CACNA1H: variants seen among roughly 807,000 people sequenced by gnomAD.
The protein encoded by CACNA1H is voltage-dependent T-type calcium channel subunit alpha-1H.
In CACNA1H, 149 loss-of-function variants were observed where a neutral mutation model predicts 192.5. That is an observed-to-expected ratio of 0.77 (90% CI 0.68 to 0.89). The LOEUF is 0.89. Among genes scored for constraint, CACNA1H ranks in the 40% least tolerant of loss-of-function variants. The pLI is 0.00. For synonymous variants in CACNA1H, 2,202 were observed against 1,475.2 expected, an observed-to-expected ratio of 1.49 and a Z score of -11.29; for missense variants, 4,257 against 3,423.5, an observed-to-expected ratio of 1.24 and a Z score of -6.08.
chr16:1,196,793 G>C (rs118125888), intron 5 of CACNA1H, among the ~76,000 whole-genome samples: 71 of 152,238 alleles, frequency 4.7e-4, no homozygotes, highest in African/African-American at 1.6e-3. Flanking sequence ...TGTCAAATCC[G>C]GGCCACCCAC....
intron 11 of CACNA1H, 133 bp downstream of exon 11, chr16:1,205,398 G>T: frequency 9.8e-7 from 1 of 1,018,894 alleles, no homozygotes; most frequent in South Asian, 1.6e-5. Flanking sequence ...GCCGTGGGAA[G>T]CAGGTGCTTG....
At chr16:1,187,973 G>C (rs370096219) in intron 2 of CACNA1H, among the ~76,000 whole-genome samples, 1 of 152,232 alleles carries the variant, frequency 6.6e-6, no homozygotes, top group Non-Finnish European at 1.5e-5. Flanking sequence ...AGGCCGAGCC[G>C]TGTCAGTCAG....
At chr16:1,169,101 G>C (rs1043028449) in intron 2 of CACNA1H, among the ~76,000 whole-genome samples, 6 of 143,004 alleles carry the variant, frequency 4.2e-5, no homozygotes, top group African/African-American at 1.5e-4. Flanking sequence ...GACTGTTCCA[G>C]ATACCAGAAC....
In CACNA1H at chr16:1,209,374, C is replaced by T. The variant is rs915582991; in HGVS notation, c.3706C>T (p.Arg1236Cys). ...CTTCTTCCTGCGCATCGACAGCCAC[C>T]GTGAGGATGCAGCCGAGCTTGACGA... ...SDFFLRIDSH[R>C]EDAAELDDDS... Residue 1236 changes from arginine (R) to cysteine (C), a missense_variant, in exon 17 of 35, where the codon CGT becomes TGT. Arg to Cys is a radical substitution (Grantham distance 180). Transcript: ENST00000348261. The T allele has an allele frequency of 5.6e-6, 9 of 1,597,850 alleles. No individual in the cohort carries two copies. Among genetic ancestry groups the T allele is most frequent in the African/African-American group, 4.0e-5 (3 of 74,924 alleles).
chr16:1,209,434 C>G (rs375585249), intron 17 of CACNA1H, 22 bp downstream of exon 17: 1 of 1,591,076 alleles, frequency 6.3e-7, no homozygotes, highest in Non-Finnish European at 8.5e-7. Flanking sequence ...GCCCTGGGCC[C>G]ACCGCCGACT....
intron 2 of CACNA1H, among the ~76,000 whole-genome samples, chr16:1,192,612 G>A (rs748999661): frequency 4.6e-5 from 7 of 152,236 alleles, no homozygotes; most frequent in South Asian, 2.1e-4. Context: ...GAACTGCCAG[G>A]GTCAGGCAAG....
At chr16:1,194,114 G>A (rs1410731498) in intron 2 of CACNA1H, among the ~76,000 whole-genome samples, 2 of 152,042 alleles carry the variant, frequency 1.3e-5, no homozygotes, top group Non-Finnish European at 2.9e-5. Flanking sequence ...GTGGGTGCTG[G>A]GAAGGGCGGC....
At chr16:1,168,339 G>A (rs1453574588) in intron 2 of CACNA1H, among the ~76,000 whole-genome samples, 1 of 151,914 alleles carries the variant, frequency 6.6e-6, no homozygotes, top group Non-Finnish European at 1.5e-5. Flanking sequence ...AAGGTCTGAA[G>A]CTGGTAGAGT....
rs898001806 is a variant in CACNA1H, at chr16:1,200,147, C to T, written c.804-109C>T. 4.0e-5 allele frequency: 36 copies of T among 904,048 alleles called. No individual in the cohort carries two copies. The South Asian group carries it at 5.3e-4, about 13-fold the overall frequency. 56.0% of individuals were successfully genotyped at this position (904,048 alleles called of 1,614,324 possible). On this transcript the variant is annotated intron_variant, in intron 6 of 34. Coordinates refer to ENST00000348261, the MANE Select transcript of CACNA1H (RefSeq NM_021098.3). The stretch of plus-strand genomic sequence containing the variant: ...CATGATTAGTCCACTGGCCCTGACC[C>T]TGATCACGTCCCTGACCTTGATCAC...
rs373190026 is a variant in CACNA1H at position 1,208,121 on chromosome 16, C to T, written c.3263C>T (p.Pro1088Leu). 3.6e-5 allele frequency: 57 copies of T among 1,593,970 alleles called. No individual in the cohort carries two copies. The highest frequency in any genetic ancestry group is 1.2e-4 in the African/African-American group (9 of 74,332). ...MCTAATPMPT[P>L]KSSPFLDAAP... Reference sequence around the variant, plus strand: ...ACAGCTGCCACGCCCATGCCTACCCCCAAGAGCTCACCATTCCTGGATGCA... The same window carrying T: ...ACAGCTGCCACGCCCATGCCTACCCTCAAGAGCTCACCATTCCTGGATGCA... The change falls in exon 16 of 35, where the codon CCC (proline) becomes CTC (leucine). Residue 1088 changes from proline (P) to leucine (L), a missense_variant. Coordinates refer to ENST00000348261, the MANE Select transcript of CACNA1H (RefSeq NM_021098.3).
intron 33 of CACNA1H, 107 bp from the exon 34 acceptor site, chr16:1,218,863 C>A: frequency 1.9e-6 from 2 of 1,071,652 alleles, no homozygotes; most frequent in Non-Finnish European, 2.5e-6. Context: ...CGGGCTGGGG[C>A]TGGCCAGGAA....
chr16:1,219,954 C>G (rs766190257), intron 34 of CACNA1H, 27 bp from the exon 35 acceptor site: 40 of 1,277,546 alleles, frequency 3.1e-5, no homozygotes, highest in Non-Finnish European at 3.6e-5. Flanking sequence ...GGGCCCCGCC[C>G]CTCACTTTGA....
At chr16:1,159,274 G>A (rs535636553) in intron 2 of CACNA1H, among the ~76,000 whole-genome samples, 3 of 152,210 alleles carry the variant, frequency 2.0e-5, no homozygotes, top group Middle Eastern at 3.2e-3. Context: ...GGGTGGGCCC[G>A]ACAGGGGCAG....
In CACNA1H at chr16:1,183,966, G is replaced by A. The variant is rs188949788; in HGVS notation, c.300-11006G>A. Among the ~76,000 whole-genome samples, 55 of 152,358 alleles carry A rather than the reference G, an allele frequency of 3.6e-4. No individual in the cohort carries two copies. In the East Asian group the frequency reaches 9.6e-3, roughly 27 times the overall value. ...CGTGTCCATGCCGCCTGGGGAAGGT[G>A]CGTCTGCCTCGGCAGCTGTGGCTGC... On this transcript the variant is annotated intron_variant, in intron 2 of 34. Coordinates refer to ENST00000348261, the MANE Select transcript of CACNA1H (RefSeq NM_021098.3).
intron 27 of CACNA1H, among the ~76,000 whole-genome samples, chr16:1,214,585 T>G (rs1005487793): frequency 6.6e-6 from 1 of 152,100 alleles, no homozygotes; most frequent in Non-Finnish European, 1.5e-5. Flanking sequence ...TGTGAGCCCA[T>G]GTCCCCATGT....
At chr16:1,191,401 G>T (rs1201837780) in intron 2 of CACNA1H, among the ~76,000 whole-genome samples, 17 of 45,114 alleles carry the variant, frequency 3.8e-4, no homozygotes, top group African/African-American at 1.0e-3. Flanking sequence ...TCGGGGTTTC[G>T]GTGACCCAGC....
chr16:1,187,095 G>A (rs1017459478), intron 2 of CACNA1H, among the ~76,000 whole-genome samples: 24 of 152,268 alleles, frequency 1.6e-4, no homozygotes, highest in African/African-American at 5.3e-4. Flanking sequence ...TCCGCACTGC[G>A]GGCTGATAGC....
intron 2 of CACNA1H, among the ~76,000 whole-genome samples, chr16:1,155,566 C>T (rs1164814524): frequency 6.6e-6 from 1 of 152,160 alleles, no homozygotes. Context: ...TGTTTCCCAA[C>T]GTGTGCAGAC....
intron 2 of CACNA1H, among the ~76,000 whole-genome samples, chr16:1,183,336 C>T (rs1245705263): frequency 4.6e-5 from 7 of 152,162 alleles, no homozygotes; most frequent in African/African-American, 1.2e-4. Context: ...TAAAACCCTG[C>T]GGTGGCTTCT....
Sources: gnomAD v4.1 joint callset for allele counts (sites outside exome capture counted in the v4.1 genomes callset) on GRCh38, gnomAD v4.1.1 for gene constraint, MANE v1.5 for transcripts, NCBI Gene and HGNC (gene_info 2026-07-23, HGNC 2026-07-21) for gene names.